PEAK1: variants seen among roughly 807,000 people sequenced by gnomAD.
The protein encoded by PEAK1 is inactive tyrosine-protein kinase PEAK1.
In PEAK1, 54 loss-of-function variants were observed where a neutral mutation model predicts 124.7. That is an observed-to-expected ratio of 0.43 (90% confidence interval 0.35 to 0.54). The LOEUF is 0.54. Ranked by LOEUF, PEAK1 falls within the 20% of genes least tolerant of loss-of-function variation. The probability of loss-of-function intolerance (pLI) is 0.01; values close to 1 mark genes in which losing one functional copy is unlikely to be tolerated. For synonymous variants in PEAK1, 719 were observed against 760.0 expected (o/e 0.95, Z 0.89); for missense variants, 2,046 against 2,134.5 (o/e 0.96, Z 0.82).
At chr15:77,303,346 T>C (rs200724995) in intron 2 of PEAK1, among the ~76,000 whole-genome samples, 1 of 152,224 alleles carries the variant, frequency 6.6e-6, no homozygotes, top group Non-Finnish European at 1.5e-5. Context: ...AAAGTGGCTG[T>C]AACATTTTAC....
intron 2 of PEAK1, among the ~76,000 whole-genome samples, chr15:77,358,648 T>TAG (rs2067680687): frequency 6.6e-6 from 1 of 152,230 alleles, no homozygotes; most frequent in Non-Finnish European, 1.5e-5. Flanking sequence ...TCAAGAAGCA[T>TAG]AGTTTCTAAA....
intron 2 of PEAK1, among the ~76,000 whole-genome samples, chr15:77,321,806 T>G (rs2065237116): frequency 6.6e-6 from 1 of 152,214 alleles, no homozygotes; most frequent in Non-Finnish European, 1.5e-5. Flanking sequence ...CATTTAAGTC[T>G]TTAATCCATC....
intron 6 of PEAK1, among the ~76,000 whole-genome samples, chr15:77,237,637 T>C (rs983951495): frequency 3.3e-5 from 5 of 152,098 alleles, no homozygotes; most frequent in Admixed American, 6.6e-5. Context: ...TATGTATTTA[T>C]TTTTTTCTAC....
chr15:77,271,740 T>C (rs1395930889), intron 5 of PEAK1, among the ~76,000 whole-genome samples: 2 of 152,100 alleles, frequency 1.3e-5, no homozygotes, highest in Non-Finnish European at 2.9e-5. Context: ...GTGAGAACAC[T>C]TGGACACAGG....
At chr15:77,169,254 C>CA (rs1447559850) in intron 7 of PEAK1, among the ~76,000 whole-genome samples, 1 of 152,080 alleles carries the variant, frequency 6.6e-6, no homozygotes, top group Admixed American at 6.5e-5. Context: ...CACAGGTTGG[C>CA]AATAGGTCTT....
intron 6 of PEAK1, among the ~76,000 whole-genome samples, chr15:77,214,679 C>T (rs12916731): frequency 0.66 from 99,366 of 151,618 alleles, 33,514 homozygotes; most frequent in Non-Finnish European, 0.75. Context: ...TTCTGCAGGC[C>T]GTACAGGTTT....
intron 5 of PEAK1, among the ~76,000 whole-genome samples, chr15:77,263,601 A>T (rs1187429132): frequency 6.6e-6 from 1 of 152,172 alleles, no homozygotes; most frequent in Non-Finnish European, 1.5e-5. Context: ...TCTGAAATTG[A>T]GGCAATAATT....
At position 77,114,920 on chromosome 15, in the gene PEAK1, C is replaced by T. The variant is rs1302573791; in HGVS notation, c.4477G>A (p.Val1493Met). ...GKSPDLYERQ[V>M]CLLLLQLCSG... ...CATAGCTGTAAGAGCAGCAGACACACCTGCCTCTCATACAAATCAGGGCTT... is the reference window on the plus strand; with the variant it reads ...CATAGCTGTAAGAGCAGCAGACACATCTGCCTCTCATACAAATCAGGGCTT... Residue 1493 changes from valine to methionine, a missense_variant, in exon 10 of 10, where the codon GTG becomes ATG. Transcript: ENST00000682557. 1 of 1,613,906 alleles carries T rather than the reference C, an allele frequency of 6.2e-7. No individual in the cohort carries two copies. Among genetic ancestry groups the T allele is most frequent in the Non-Finnish European group, 8.5e-7 (1 of 1,180,016 alleles).
At chr15:77,273,733 C>G (rs1184670590) in intron 5 of PEAK1, among the ~76,000 whole-genome samples, 1 of 152,042 alleles carries the variant, frequency 6.6e-6, no homozygotes, top group Non-Finnish European at 1.5e-5. Context: ...CAATGCAATT[C>G]CCATGAAAAT....
At chr15:77,382,969 T>C (rs972127624) in intron 1 of PEAK1, among the ~76,000 whole-genome samples, 5 of 151,698 alleles carry the variant, frequency 3.3e-5, no homozygotes, top group Non-Finnish European at 7.4e-5. Flanking sequence ...TATTAATACA[T>C]CAGCTTCTGA....
chr15:77,301,129 G>A (rs755317871), intron 2 of PEAK1, among the ~76,000 whole-genome samples: 3 of 152,134 alleles, frequency 2.0e-5, no homozygotes, highest in Non-Finnish European at 4.4e-5. Context: ...TTCTAGAGAC[G>A]AGAAATCAAA....
At chr15:77,129,243 C>T (rs1369833235) in intron 9 of PEAK1, among the ~76,000 whole-genome samples, 1 of 152,196 alleles carries the variant, frequency 6.6e-6, no homozygotes, top group Non-Finnish European at 1.5e-5. Context: ...AAGTTGGAAC[C>T]ATGAACTTGA....
intron 1 of PEAK1, among the ~76,000 whole-genome samples, chr15:77,396,799 C>T (rs1462232153): frequency 1.3e-5 from 2 of 151,774 alleles, no homozygotes; most frequent in Admixed American, 6.6e-5. Flanking sequence ...AAAGAGCAAG[C>T]GAGCAAGCAA....
At chr15:77,207,973 A>G (rs2058740803) in intron 6 of PEAK1, among the ~76,000 whole-genome samples, 1 of 152,172 alleles carries the variant, frequency 6.6e-6, no homozygotes, top group Non-Finnish European at 1.5e-5. Context: ...GGTTGGGCTA[A>G]AAACGGATCC....
intron 7 of PEAK1, among the ~76,000 whole-genome samples, chr15:77,174,146 A>G (rs2056695900): frequency 6.6e-6 from 1 of 152,194 alleles, no homozygotes; most frequent in Non-Finnish European, 1.5e-5. Flanking sequence ...TACATGGCAC[A>G]GTTAAGACAC....
intron 1 of PEAK1, among the ~76,000 whole-genome samples, chr15:77,387,342 C>A (rs1011590007): frequency 1.3e-5 from 2 of 152,262 alleles, no homozygotes; most frequent in Middle Eastern, 3.4e-3. Flanking sequence ...TTAGCCTGCT[C>A]CTAAAATAAT....
At chr15:77,395,636 A>G (rs1355829953) in intron 1 of PEAK1, among the ~76,000 whole-genome samples, 1 of 152,178 alleles carries the variant, frequency 6.6e-6, no homozygotes, top group East Asian at 1.9e-4. Context: ...TTTACAGGCC[A>G]CGAGACAAGA....
In PEAK1 at chr15:77,178,875, C is replaced by A; in HGVS notation, c.3052G>T (p.Gly1018Cys). 1.2e-6 allele frequency: 2 copies of A among 1,614,112 alleles called. No homozygotes were observed. The highest frequency in any genetic ancestry group is 1.7e-6 in the Non-Finnish European group (2 of 1,180,016). ...TGTAGTAATGCATTCTCTGCTCTAC[C>A]CTTCTCCATGACTGCTGCCTGGTCT... ...RTDQAAVMEK[G>C]RAENALLQDS... is the part of the protein sequence containing the mutation. Residue 1018 changes from glycine to cysteine, a missense_variant, in exon 7 of 10, where the codon GGT (glycine) becomes TGT (cysteine). By Grantham distance (159) the Gly-to-Cys change is radical (BLOSUM62 -3). Transcript: ENST00000682557.
chr15:77,261,120 G>T (rs1298595452), intron 5 of PEAK1, among the ~76,000 whole-genome samples: 1 of 152,110 alleles, frequency 6.6e-6, no homozygotes, highest in South Asian at 2.1e-4. Context: ...AACCCCATCT[G>T]TATGTCACCA....
Sources: allele counts gnomAD v4.1 joint callset (sites outside exome capture counted in the v4.1 genomes callset), GRCh38; gene constraint gnomAD v4.1.1; transcripts MANE v1.5; gene names NCBI Gene and HGNC (gene_info 2026-07-23, HGNC 2026-07-21).